Variants in ERC2 observed in about 807,000 individuals in gnomAD.
The protein encoded by ERC2 is ELKS/RAB6-interacting/CAST family member 2, also known as ERC protein 2.
ERC2 carries 42 observed loss-of-function variants against 114.8 expected under a neutral mutation model. The observed-to-expected ratio is 0.37, with a 90% CI of 0.29 to 0.47. ERC2 has a LOEUF of 0.47. Ranked by LOEUF, ERC2 falls within the 20% of genes least tolerant of loss-of-function variation. The pLI is 0.99. For missense variants in ERC2, 939 were observed against 1,150.7 expected (o/e 0.82, Z 2.66); for synonymous variants, 454 against 425.5 (o/e 1.07, Z -0.82).
chr3:56,030,576 C>T (rs982264284), intron 7 of ERC2, among the ~76,000 whole-genome samples: 2 of 151,984 alleles, frequency 1.3e-5, no homozygotes, highest in Non-Finnish European at 2.9e-5. Flanking sequence ...TACTGATGGT[C>T]CATAGTAATT....
At chr3:56,139,414 T>G (rs1205455340) in intron 6 of ERC2, 95 bp downstream of exon 6, 1 of 1,233,638 alleles carries the variant, frequency 8.1e-7, no homozygotes, top group Non-Finnish European at 1.1e-6. Flanking sequence ...CCCCAAGGGT[T>G]AGGATAAAGG....
rs951772170 is a variant in ERC2 at position 56,030,601 on chromosome 3, G to A, written c.1642-11570C>T. On this transcript the variant is annotated intron_variant, in intron 7 of 17. Coordinates refer to ENST00000288221, the MANE Select transcript of ERC2 (RefSeq NM_015576.3). Reference sequence around the variant, plus strand: ...CCATAGTAATTTTTTCTGCTCTGAAGTCTACTTTATCTGATATTAATATAG... The same window carrying A: ...CCATAGTAATTTTTTCTGCTCTGAAATCTACTTTATCTGATATTAATATAG... 7.1e-4 allele frequency among the ~76,000 whole-genome samples: 108 copies of A among 152,234 alleles called. 1 individual carries two copies. In the Middle Eastern group the frequency reaches 0.014, roughly 19 times the overall value.
intron 2 of ERC2, among the ~76,000 whole-genome samples, chr3:56,321,152 C>G (rs1456769045): frequency 1.3e-5 from 2 of 152,110 alleles, no homozygotes; most frequent in Non-Finnish European, 2.9e-5. Flanking sequence ...ACATGTAAGA[C>G]AGGAGGCAGG....
Position 55,539,415 on chromosome 3 carries a change from C to CTTTTTTTTTTTTTTTTTTT in ERC2, c.*40-28158_*40-28140dup, listed in dbSNP as rs58749389. On this transcript the variant is annotated intron_variant, in intron 17 of 17. Transcript: ENST00000288221. The stretch of plus-strand genomic sequence containing the variant: ...TCTCTCTCTCTCTCTTTTTTTCTTT[C>CTTTTTTTTTTTTTTTTTTT]TTTTTTTTTTTTTTTTTTTTTTTTT... Among the ~76,000 whole-genome samples, 129 of 39,118 alleles carry CTTTTTTTTTTTTTTTTTTT rather than the reference C, an allele frequency of 3.3e-3. 21 individuals are homozygous for CTTTTTTTTTTTTTTTTTTT. The highest frequency in any genetic ancestry group is 4.6e-3 in the Admixed American group (9 of 1,952). The allele number at this position is 39,118 out of a possible 152,430, so 25.7% of individuals were successfully genotyped here.
intron 13 of ERC2, among the ~76,000 whole-genome samples, chr3:55,889,458 A>G (rs2063506512): frequency 6.6e-6 from 1 of 152,194 alleles, no homozygotes; most frequent in African/African-American, 2.4e-5. Flanking sequence ...ACACCATAGA[A>G]ATAAGCCAGA....
chr3:55,610,065 A>AC (rs2058829507), intron 17 of ERC2, among the ~76,000 whole-genome samples: 1 of 27,058 alleles, frequency 3.7e-5, no homozygotes, highest in Admixed American at 3.5e-4. Flanking sequence ...AAACACAAAC[A>AC]AAAAAAAAAA....
chr3:55,587,709 G>A (rs946514166), intron 17 of ERC2, among the ~76,000 whole-genome samples: 22 of 152,222 alleles, frequency 1.4e-4, no homozygotes, highest in African/African-American at 2.4e-4. Flanking sequence ...TTTCTGTGCC[G>A]TGTAGAGTAT....
chr3:56,062,688 T>G (rs1212820163), intron 7 of ERC2, among the ~76,000 whole-genome samples: 1 of 152,118 alleles, frequency 6.6e-6, no homozygotes, highest in African/African-American at 2.4e-5. Context: ...TGCCTTTCCC[T>G]GCCCTTTAGG....
intron 2 of ERC2, among the ~76,000 whole-genome samples, chr3:56,319,944 G>A (rs2057050301): frequency 6.6e-6 from 1 of 152,168 alleles, no homozygotes; most frequent in Non-Finnish European, 1.5e-5. Context: ...TAAAGATACA[G>A]GGAGCAAATG....
At chr3:56,143,713 T>C (rs879329304) in intron 5 of ERC2, among the ~76,000 whole-genome samples, 6 of 152,194 alleles carry the variant, frequency 3.9e-5, no homozygotes, top group Non-Finnish European at 5.9e-5. Context: ...TAACCCATGC[T>C]CTACTTATCA....
intron 13 of ERC2, among the ~76,000 whole-genome samples, chr3:55,913,360 A>T (rs1002237991): frequency 6.6e-6 from 1 of 152,176 alleles, no homozygotes; most frequent in Non-Finnish European, 1.5e-5. Flanking sequence ...TAGATAAATC[A>T]TATCTAAATA....
chr3:56,149,207 A>G, intron 4 of ERC2, 75 bp from the exon 5 acceptor site: 1 of 1,421,818 alleles, frequency 7.0e-7, no homozygotes, highest in South Asian at 1.4e-5. Flanking sequence ...ACAGAATTTA[A>G]GAAAGTAATT....
At chr3:56,001,865 T>C (rs1182457270) in intron 10 of ERC2, among the ~76,000 whole-genome samples, 1 of 152,136 alleles carries the variant, frequency 6.6e-6, no homozygotes, top group African/African-American at 2.4e-5. Flanking sequence ...TTCGCTTATT[T>C]TTTAAACAAC....
rs60633794 is a variant in ERC2, at chr3:55,955,248, TTGTGTGTG to T, written c.2268-4696_2268-4689del. ...CAATTTATACTGTATGGTGGTGTGT[TTGTGTGTG>T]TGTGTGTGTGTGTGTGTGTGTGTGT... On this transcript the variant is annotated intron_variant, in intron 12 of 17. Transcript: ENST00000288221. 2.7e-3 allele frequency: 958 copies of T among 360,726 alleles called. 3 individuals carry two copies. The highest frequency in any genetic ancestry group is 0.013 in the African/African-American group (609 of 46,312). The allele number at this position is 360,726 out of a possible 1,614,324, so 22.3% of individuals were successfully genotyped here. A position where few individuals can be genotyped will look rare whatever the true frequency, so the allele number is the denominator to read the frequency against.
chr3:55,886,026 T>G (rs2063334948), intron 14 of ERC2, among the ~76,000 whole-genome samples: 1 of 152,174 alleles, frequency 6.6e-6, no homozygotes, highest in African/African-American at 2.4e-5. Context: ...TAAAATTTCT[T>G]TATAATAGCA....
chr3:56,096,689 C>T (rs927757104), intron 6 of ERC2, among the ~76,000 whole-genome samples: 2 of 152,080 alleles, frequency 1.3e-5, no homozygotes, highest in African/African-American at 4.8e-5. Context: ...TTATTATGTA[C>T]ATTTATATAT....
chr3:55,687,813 C>T (rs2062412539), intron 16 of ERC2, among the ~76,000 whole-genome samples: 1 of 152,212 alleles, frequency 6.6e-6, no homozygotes, highest in African/African-American at 2.4e-5. Context: ...AAAGCAGATG[C>T]TGTTAGCATT....
chr3:56,016,255 G>T (rs2073297522), intron 8 of ERC2, among the ~76,000 whole-genome samples: 1 of 151,920 alleles, frequency 6.6e-6, no homozygotes, highest in African/African-American at 2.4e-5. Context: ...AATTGCTTTA[G>T]ACATTTTCAT....
chr3:56,436,654 T>C (rs1199257439), intron 1 of ERC2, among the ~76,000 whole-genome samples: 2 of 152,136 alleles, frequency 1.3e-5, no homozygotes, highest in East Asian at 3.8e-4. Flanking sequence ...AACCACCATA[T>C]TGTATCCTCC....
Sources: gnomAD v4.1 joint callset for allele counts (sites outside exome capture counted in the v4.1 genomes callset) on GRCh38, gnomAD v4.1.1 for gene constraint, MANE v1.5 for transcripts, NCBI Gene and HGNC (gene_info 2026-07-23, HGNC 2026-07-21) for gene names.